AMDHD2: variants seen among roughly 807,000 people sequenced by gnomAD.
AMDHD2 encodes the protein amidohydrolase domain containing 2, also known as N-acetylglucosamine-6-phosphate deacetylase.
Under a neutral mutation model 41.8 loss-of-function variants are expected in AMDHD2, and 24 were observed. The ratio of observed to expected loss-of-function variants is 0.57; its 90% CI spans 0.42 to 0.81. The LOEUF is 0.81. AMDHD2 is among the 30% of genes least tolerant of loss of function. AMDHD2 has a pLI of 0.00. For synonymous variants in AMDHD2, 332 were observed against 255.5 expected, an observed-to-expected ratio of 1.30 and a Z score of -2.85; for missense variants, 540 against 588.5, an observed-to-expected ratio of 0.92 and a Z score of 0.85.
At position 2,528,262 on chromosome 16, in the gene AMDHD2, G is replaced by A; in HGVS notation, c.744G>A (p.Val248=). 1.2e-6 allele frequency: 2 copies of A among 1,612,304 alleles called. No homozygotes were observed. The highest frequency in any genetic ancestry group is 2.2e-5 in the South Asian group (2 of 91,078). Residue 248 remains valine (V), a synonymous_variant, in exon 7 of 11, where the codon GTG becomes GTA. Coordinates refer to ENST00000293971, the MANE Select transcript of AMDHD2 (RefSeq NM_001330449.2). ...TCCACCACCGCGACCCAGGCATCGT[G>A]GGGCTCCTGACCAGCGACCGGCTGC... ...LPFHHRDPGI[V]GLLTSDRLPA...
chr16:2,529,444 GC>G, intron 10 of AMDHD2, 30 bp from the exon 11 acceptor site: 1 of 1,606,086 alleles, frequency 6.2e-7, no homozygotes. Flanking sequence ...CCCCACTCCT[GC>G]CCCCTACTCA....
intron 6 of AMDHD2, 29 bp downstream of exon 6, chr16:2,528,177 G>A (rs1280488838): frequency 6.2e-7 from 1 of 1,612,392 alleles, no homozygotes; most frequent in South Asian, 1.1e-5. Flanking sequence ...CAGGGGCGGG[G>A]CTGGGGTCCC....
chr16:2,527,404 G>A lies in AMDHD2; in HGVS notation c.361-157G>A, dbSNP rs1481500909. ...CTGCCATGGGTCCTTCAATTCTGCC[G>A]GCTGTGCTTTCCCTGACCCCTGTGA... On this transcript the variant is annotated intron_variant, in intron 3 of 10. Coordinates refer to ENST00000293971, the MANE Select transcript of AMDHD2 (RefSeq NM_001330449.2). The surrounding 1 kb of genome is among the most constrained non-coding windows in gnomAD (Gnocchi z 6.1). Among the ~76,000 whole-genome samples, 3 of 152,150 alleles carry A rather than the reference G, an allele frequency of 2.0e-5. No homozygotes were observed. The highest frequency in any genetic ancestry group is 4.8e-5 in the African/African-American group (2 of 41,438).
Position 2,530,892 on chromosome 16 carries a change from T to A in AMDHD2, c.*1329T>A. On this transcript the variant is annotated 3_prime_UTR_variant, in exon 11 of 11. Transcript: ENST00000293971. ...AGGTGCAGGGATACCCACCTCTGCC[T>A]TGACGGCCGCGCACCCCTTAGGAAG... The A allele has an allele frequency of 6.2e-7, 1 of 1,613,560 alleles. No individual in the cohort carries two copies. Among genetic ancestry groups the A allele is most frequent in the African/African-American group, 1.3e-5 (1 of 75,032 alleles).
intron 3 of AMDHD2, among the ~76,000 whole-genome samples, 160 bp downstream of exon 3, chr16:2,521,283 G>A (rs1567127115): frequency 6.7e-6 from 1 of 148,760 alleles, no homozygotes; most frequent in Non-Finnish European, 1.5e-5. Flanking sequence ...CCGCCCCTGT[G>A]CTTCTTTATC....
intron 3 of AMDHD2, among the ~76,000 whole-genome samples, chr16:2,525,630 C>T (rs111612544): frequency 0.012 from 1,809 of 152,060 alleles, 32 homozygotes; most frequent in African/African-American, 0.039. Flanking sequence ...CTGCAAGCTC[C>T]GCCTCCCAGG....
intron 3 of AMDHD2, among the ~76,000 whole-genome samples, chr16:2,526,116 T>C (rs1331208979): frequency 6.6e-6 from 1 of 152,228 alleles, no homozygotes; most frequent in African/African-American, 2.4e-5. Context: ...CCTGTCCTCT[T>C]TTGTTCGGGC....
rs766727523 is a variant in AMDHD2, at chr16:2,527,757, T to C, written c.416-16T>C. ...GGGGCAGGGACCTGCTGGAGCCACT[T>C]GCTCCCTCCTCCCAGGGCTGCACCT... is the stretch of plus-strand genomic sequence containing the variant. On this transcript the variant is annotated splice_polypyrimidine_tract_variant and intron_variant, in intron 4 of 10. Coordinates refer to ENST00000293971, the MANE Select transcript of AMDHD2 (RefSeq NM_001330449.2). The surrounding 1 kb of genome is among the most constrained non-coding windows in gnomAD (Gnocchi z 6.1). The C allele has an allele frequency of 2.2e-5, 35 of 1,561,932 alleles. 1 individual carries two copies. In the South Asian group the frequency reaches 4.0e-4, roughly 18 times the overall value.
rs543751417 is a variant in AMDHD2, at chr16:2,521,365, C to T, written c.360+242C>T. On this transcript the variant is annotated intron_variant, in intron 3 of 10. Transcript: ENST00000293971. Reference sequence around the variant, plus strand: ...TGTCTCCACACTGCTGGCTCAGCACCGTCTGAGCCATAGGCCGTCCCCACC... The same window carrying T: ...TGTCTCCACACTGCTGGCTCAGCACTGTCTGAGCCATAGGCCGTCCCCACC... 6.6e-5 allele frequency among the ~76,000 whole-genome samples: 10 copies of T among 152,256 alleles called. No homozygotes were observed. The South Asian group carries it at 1.9e-3, about 28-fold the overall frequency.
In AMDHD2 at chr16:2,528,093, A is replaced by G. The variant is rs142909364; in HGVS notation, c.662A>G (p.Asp221Gly). 922 of 1,612,942 alleles carry G rather than the reference A, an allele frequency of 5.7e-4. 1 individual carries two copies. Among genetic ancestry groups the G allele is most frequent in the Non-Finnish European group, 7.0e-4 (828 of 1,179,830 alleles). The change falls in exon 6 of 11, where the codon GAT becomes GGT. Residue 221 changes from aspartate (D) to glycine (G), a missense_variant. Asp to Gly is a moderately conservative substitution (Grantham distance 94). Coordinates refer to ENST00000293971, the MANE Select transcript of AMDHD2 (RefSeq NM_001330449.2). ...HSVADLRAAE[D>G]AVWSGATFIT... is the part of the protein sequence containing the mutation. Reference sequence around the variant, plus strand: ...GTGGCTGACCTGCGGGCGGCAGAGGATGCTGTGTGGAGCGGAGCCACCTTC... The same window carrying G: ...GTGGCTGACCTGCGGGCGGCAGAGGGTGCTGTGTGGAGCGGAGCCACCTTC...
chr16:2,527,826 G>T lies in AMDHD2; in HGVS notation c.469G>T (p.Glu157Ter). The change falls in exon 5 of 11, where the codon GAG (glutamate) becomes TAG (stop). Residue 157 changes from glutamate (E) to a stop codon, truncating the protein, a stop_gained. Coordinates refer to ENST00000293971, the MANE Select transcript of AMDHD2 (RefSeq NM_001330449.2). LOFTEE classifies it high-confidence loss of function. The surrounding 1 kb of genome is among the most constrained non-coding windows in gnomAD (Gnocchi z 6.1). ...ISREKRGAHP[E>*]AHLRSFEADA... ...CCGGGAGAAGCGGGGCGCGCACCCCGAGGCCCACCTCCGCTCCTTCGAGGC... is the reference window on the plus strand; with the variant it reads ...CCGGGAGAAGCGGGGCGCGCACCCCTAGGCCCACCTCCGCTCCTTCGAGGC... 6.3e-7 allele frequency: 1 copy of T among 1,594,210 alleles called. No homozygotes were observed.
At position 2,527,925 on chromosome 16, in the gene AMDHD2, T is replaced by C; in HGVS notation, c.568T>C (p.Leu190=). 3.1e-6 allele frequency: 5 copies of C among 1,597,970 alleles called. No homozygotes were observed. The highest frequency in any genetic ancestry group is 4.2e-6 in the Non-Finnish European group (5 of 1,178,672). ...CCGCATCGTGACGCTGGCCCCAGAG[T>C]TGGGCCGTAGCCACGAAGTGATCCG... The part of the protein sequence containing the change: ...NVRIVTLAPE[L]GRSHEVIRAL... Residue 190 remains leucine (L), a synonymous_variant, in exon 5 of 11, where the codon TTG becomes CTG. Transcript: ENST00000293971. This position sits in a 1 kb window ranked among gnomAD's most constrained non-coding sequence, Gnocchi z 6.1.
rs768896938 is a variant in AMDHD2 at position 2,530,329 on chromosome 16, C to T, written c.*766C>T. On this transcript the variant is annotated 3_prime_UTR_variant, in exon 11 of 11. Transcript: ENST00000293971. Reference sequence around the variant, plus strand: ...GTATGGGAGGCACCAGTGTGCCCTGCTCACCCCATTAGTGTCATCCTGCCA... The same window carrying T: ...GTATGGGAGGCACCAGTGTGCCCTGTTCACCCCATTAGTGTCATCCTGCCA... The T allele has an allele frequency of 2.5e-6, 4 of 1,614,038 alleles. No homozygotes were observed. Among genetic ancestry groups the T allele is most frequent in the Admixed American group, 1.7e-5 (1 of 60,010 alleles).
intron 3 of AMDHD2, among the ~76,000 whole-genome samples, chr16:2,524,723 C>T (rs896217305): frequency 3.3e-5 from 5 of 152,140 alleles, no homozygotes; most frequent in African/African-American, 7.2e-5. Flanking sequence ...AATTTGCGCC[C>T]GTAGCTCTAA....
At chr16:2,525,302 A>G (rs1034864867) in intron 3 of AMDHD2, among the ~76,000 whole-genome samples, 3 of 150,376 alleles carry the variant, frequency 2.0e-5, no homozygotes, top group African/African-American at 4.9e-5. Context: ...AGGTGATCCA[A>G]CTGCCTTGGC....
intron 9 of AMDHD2, 66 bp downstream of exon 9, chr16:2,528,784 C>A: frequency 6.3e-7 from 1 of 1,592,990 alleles, no homozygotes; most frequent in Non-Finnish European, 8.5e-7. Context: ...GGGGCTGGAC[C>A]GGGTGCCCGG....
rs142137109 is a variant in AMDHD2 at position 2,522,106 on chromosome 16, C to T, written c.360+983C>T. 2.6e-5 allele frequency among the ~76,000 whole-genome samples: 4 copies of T among 152,066 alleles called. No homozygotes were observed. The East Asian group carries it at 7.8e-4, about 30-fold the overall frequency. On this transcript the variant is annotated intron_variant, in intron 3 of 10. Coordinates refer to ENST00000293971, the MANE Select transcript of AMDHD2 (RefSeq NM_001330449.2). The stretch of plus-strand genomic sequence containing the variant: ...GCCAGTTTTTGTTATTTTTAAGAGA[C>T]AGGGTTTCTCTCTGTGGCCCAGGTT...
rs755621326 is a variant in AMDHD2 at position 2,520,549 on chromosome 16, CGGGCCGGGGACTGCG to C, written c.83+13_83+27del. The C allele has an allele frequency of 4.4e-5, 50 of 1,147,066 alleles. No homozygotes were observed. Among genetic ancestry groups the C allele is most frequent in the South Asian group, 3.8e-4 (9 of 23,844 alleles). 71.1% of individuals were successfully genotyped at this position (1,147,066 alleles called of 1,614,324 possible). A position where few individuals can be genotyped will look rare whatever the true frequency, so the allele number is the denominator to read the frequency against. ...CGGAGGGAAACTGCTCAGGTGGGCG[CGGGCCGGGGACTGCG>C]GGGCTGGGGACCGGGCGGGGTGCAG... On this transcript the variant is annotated intron_variant, in intron 1 of 10. Coordinates refer to ENST00000293971, the MANE Select transcript of AMDHD2 (RefSeq NM_001330449.2).
At chr16:2,521,266 C>G in intron 3 of AMDHD2, 143 bp downstream of exon 3, 1 of 1,151,366 alleles carries the variant, frequency 8.7e-7, no homozygotes, top group Non-Finnish European at 1.2e-6. Flanking sequence ...GGATCTGGGC[C>G]TGGGTCCCGC....
Sources: gnomAD v4.1 joint callset for allele counts (sites outside exome capture counted in the v4.1 genomes callset) on GRCh38, gnomAD v4.1.1 for gene constraint, Gnocchi (gnomAD v3.1) non-coding constraint, MANE v1.5 for transcripts, NCBI Gene and HGNC (gene_info 2026-07-23, HGNC 2026-07-21) for gene names.